FAM228B: variants seen among roughly 807,000 people sequenced by gnomAD.
The protein encoded by FAM228B is family with sequence similarity 228 member B, also known as protein FAM228B.
A neutral mutation model predicts 42.6 loss-of-function variants in FAM228B; 38 were observed. The observed-to-expected ratio is 0.89, with a 90% CI of 0.69 to 1.17. The LOEUF (loss-of-function observed/expected upper bound fraction) is 1.17, where lower values mean the gene tolerates loss of function less well. FAM228B is among the 50% of genes most tolerant of loss of function. The probability of loss-of-function intolerance (pLI) is 0.00; values close to 1 mark genes in which losing one functional copy is unlikely to be tolerated. For synonymous variants in FAM228B, 109 were observed against 122.3 expected (o/e 0.89, Z 0.72); for missense variants, 344 against 367.3 (o/e 0.94, Z 0.52).
chr2:24,083,240 T>G, intron 2 of FAM228B: 1 of 1,474,488 alleles, frequency 6.8e-7, no homozygotes, highest in South Asian at 1.4e-5. Context: ...ATCCCCTCTT[T>G]TTTTTTTCAA....
At chr2:24,132,556 C>T (rs1243048219) in intron 2 of FAM228B, among the ~76,000 whole-genome samples, 1 of 137,428 alleles carries the variant, frequency 7.3e-6, no homozygotes, top group African/African-American at 2.7e-5. Context: ...AGGGATTCGA[C>T]TTCTTCCTCG....
chr2:24,136,413 G>C (rs575537692), intron 3 of FAM228B, among the ~76,000 whole-genome samples: 1 of 152,148 alleles, frequency 6.6e-6, no homozygotes, highest in Non-Finnish European at 1.5e-5. Flanking sequence ...TAGTAGAGAC[G>C]TGGTTTCACC....
At chr2:24,163,748 C>T (rs1301642270) in intron 8 of FAM228B, among the ~76,000 whole-genome samples, 2 of 152,166 alleles carry the variant, frequency 1.3e-5, no homozygotes, top group African/African-American at 2.4e-5. Context: ...GAGGATATTG[C>T]ATTTCTGGAG....
chr2:24,140,488 A>G (rs1239706302), intron 5 of FAM228B, among the ~76,000 whole-genome samples: 3 of 152,040 alleles, frequency 2.0e-5, no homozygotes, highest in Non-Finnish European at 4.4e-5. Context: ...TATCTTGTAT[A>G]AAATGTTGTT....
chr2:24,145,108 GC>G (rs1200514885), intron 5 of FAM228B, among the ~76,000 whole-genome samples: 1 of 152,104 alleles, frequency 6.6e-6, no homozygotes, highest in African/African-American at 2.4e-5. Context: ...TCAAGAACCT[GC>G]CCATCCACCT....
chr2:24,113,079 C>G (rs976036393), intron 3 of FAM228B, among the ~76,000 whole-genome samples: 63 of 152,234 alleles, frequency 4.1e-4, no homozygotes, highest in African/African-American at 1.4e-3. Context: ...TTACAACTTG[C>G]CTTCCCCACT....
chr2:24,101,001 G>A (rs553730602), intron 3 of FAM228B, among the ~76,000 whole-genome samples: 1 of 152,216 alleles, frequency 6.6e-6, no homozygotes, highest in Admixed American at 6.5e-5. Context: ...TTCTCAGTAA[G>A]TTATCACAAG....
chr2:24,097,149 T>C (rs1164073064), intron 3 of FAM228B: 1 of 152,098 alleles, frequency 6.6e-6, no homozygotes, highest in African/African-American at 2.4e-5. Context: ...AAGGAACAAC[T>C]GGTACCAGCC....
upstream of FAM228B, among the ~76,000 whole-genome samples, chr2:24,120,142 G>A (rs1285306083): frequency 6.6e-5 from 10 of 152,004 alleles, no homozygotes; most frequent in East Asian, 5.8e-4. Flanking sequence ...GGTGGCAGGC[G>A]CCTGTAACCC....
intron 5 of FAM228B, among the ~76,000 whole-genome samples, chr2:24,143,706 A>G (rs1404166232): frequency 1.3e-5 from 2 of 152,170 alleles, no homozygotes; most frequent in African/African-American, 4.8e-5. Context: ...TCATAGAAAG[A>G]TATGTTAAAC....
chr2:24,165,485 A>T, intron 9 of FAM228B: 1 of 470,964 alleles, frequency 2.1e-6, no homozygotes, highest in Non-Finnish European at 4.4e-6. Flanking sequence ...CAGGTCCCAG[A>T]TGGGAGCCCT....
Position 24,104,051 on chromosome 2 carries a change from A to G in FAM228B, c.-121+8822A>G, listed in dbSNP as rs147429450. On this transcript the variant is annotated intron_variant, in intron 3 of 10. Coordinates refer to the FAM228B transcript ENST00000613899. Reference sequence around the variant, plus strand: ...CTAGCAAACACTGAGCTGCAGGCCGATCATCTGAAAAACCACGTTGGGACC... The same window carrying G: ...CTAGCAAACACTGAGCTGCAGGCCGGTCATCTGAAAAACCACGTTGGGACC... 1.1e-3 allele frequency among the ~76,000 whole-genome samples: 163 copies of G among 152,332 alleles called. 1 individual carries two copies. The highest frequency in any genetic ancestry group is 2.0e-3 in the Non-Finnish European group (135 of 68,024).
At chr2:24,151,753 G>A (rs1667029027) in intron 7 of FAM228B, among the ~76,000 whole-genome samples, 1 of 151,934 alleles carries the variant, frequency 6.6e-6, no homozygotes. Context: ...TGCAATCTCG[G>A]CTCACTGTAA....
intron 5 of FAM228B, among the ~76,000 whole-genome samples, chr2:24,146,236 G>A (rs542355784): frequency 7.2e-5 from 11 of 152,248 alleles, no homozygotes; most frequent in Admixed American, 5.9e-4. Context: ...TGCTGTTCAT[G>A]AATCCTGTTT....
At chr2:24,091,643 A>G (rs1665393985) in intron 2 of FAM228B, among the ~76,000 whole-genome samples, 2 of 152,344 alleles carry the variant, frequency 1.3e-5, no homozygotes, top group East Asian at 1.9e-4. Context: ...CACTTTTACC[A>G]TAGCAGTACA....
intron 5 of FAM228B, among the ~76,000 whole-genome samples, chr2:24,145,936 G>C (rs962169686): frequency 3.3e-5 from 5 of 152,102 alleles, no homozygotes; most frequent in African/African-American, 9.7e-5. Context: ...TCATCCGCCT[G>C]CCTCGGCCTC....
At chr2:24,079,172 T>A (rs904088379) in intron 1 of FAM228B, 1 of 415,198 alleles carries the variant, frequency 2.4e-6, no homozygotes, top group Non-Finnish European at 4.4e-6. Context: ...TCGAAATACT[T>A]CCTAATATAG....
At chr2:24,119,572 CT>C, upstream of FAM228B, 1 of 1,611,296 alleles carries the variant, frequency 6.2e-7, no homozygotes, top group South Asian at 1.1e-5. Flanking sequence ...AGGAGGCCAA[CT>C]TACCCAGGCT....
chr2:24,167,693 T>C lies in FAM228B; in HGVS notation c.*14+10T>C. ...AAGAAAGAAGAGGGAGGTAGATGTC[T>C]TCTCTCTTTCCCTTCTTACTCTCCT... On this transcript the variant is annotated intron_variant, in intron 10 of 10. Transcript: ENST00000615575. 1 of 1,551,356 alleles carries C rather than the reference T, an allele frequency of 6.4e-7. No individual in the cohort carries two copies. The highest frequency in any genetic ancestry group is 8.7e-7 in the Non-Finnish European group (1 of 1,146,720).
Sources: allele counts gnomAD v4.1 joint callset (sites outside exome capture counted in the v4.1 genomes callset), GRCh38; gene constraint gnomAD v4.1.1; transcripts MANE v1.5; gene names NCBI Gene and HGNC (gene_info 2026-07-23, HGNC 2026-07-21).